CREB1: variants seen among roughly 807,000 people sequenced by gnomAD.
The protein encoded by CREB1 is cyclic AMP-responsive element-binding protein 1.
In CREB1, 2 loss-of-function variants were observed where a neutral mutation model predicts 42.0. That is an observed-to-expected ratio of 0.05 (90% CI 0.02 to 0.15). The LOEUF (loss-of-function observed/expected upper bound fraction) is 0.15. CREB1 is among the 10% of genes least tolerant of loss of function. The probability of loss-of-function intolerance (pLI) is 1.00; values close to 1 mark genes in which losing one functional copy is unlikely to be tolerated. For synonymous variants in CREB1, 123 were observed against 139.9 expected (o/e 0.88, Z 0.85); for missense variants, 199 against 388.9 (o/e 0.51, Z 4.11).
chr2:207,532,466 A>G (rs1259433473), intron 1 of CREB1, among the ~76,000 whole-genome samples: 2 of 152,030 alleles, frequency 1.3e-5, no homozygotes, highest in Admixed American at 6.6e-5. Flanking sequence ...CGAGGTCAAG[A>G]GATCGAGACC....
At chr2:207,543,490 T>G (rs182527106) in intron 1 of CREB1, among the ~76,000 whole-genome samples, 16 of 152,322 alleles carry the variant, frequency 1.1e-4, no homozygotes, top group South Asian at 2.1e-4. Context: ...ATTTAAGTGA[T>G]GTGTGTAGAA....
At chr2:207,551,500 C>T (rs1161584669) in intron 1 of CREB1, among the ~76,000 whole-genome samples, 3 of 151,984 alleles carry the variant, frequency 2.0e-5, no homozygotes, top group Non-Finnish European at 4.4e-5. Flanking sequence ...AATAGTATGA[C>T]TTGTAGTTTT....
intron 6 of CREB1, among the ~76,000 whole-genome samples, chr2:207,575,802 T>A (rs889896045): frequency 1.3e-5 from 2 of 152,088 alleles, no homozygotes; most frequent in South Asian, 2.1e-4. Context: ...TGAGTAAAAG[T>A]CAGCTGCTCT....
chr2:207,581,827 T>A (rs1322390126), intron 7 of CREB1: 1 of 702,112 alleles, frequency 1.4e-6, no homozygotes, highest in Admixed American at 2.0e-5. Context: ...CGCATTTAAT[T>A]ATAGTCTCCT....
At position 207,604,359 on chromosome 2, in the gene CREB1, C is replaced by T. The variant is rs1247009340; in HGVS notation, c.*7301C>T. On this transcript the variant is annotated 3_prime_UTR_variant, in exon 8 of 8. Transcript: ENST00000353267. Reference sequence around the variant, plus strand: ...AACTTAACTTCTCCCCCAAATCTTCCTTCCGCTGGTTTTTCCATCTCGTAA... The same window carrying T: ...AACTTAACTTCTCCCCCAAATCTTCTTTCCGCTGGTTTTTCCATCTCGTAA... Among the ~76,000 whole-genome samples the T allele has an allele frequency of 6.6e-6, 1 of 152,208 alleles. No homozygotes were observed. The highest frequency in any genetic ancestry group is 1.5e-5 in the Non-Finnish European group (1 of 68,034).
At position 207,544,201 on chromosome 2, in the gene CREB1, G is replaced by A. The variant is rs578068283; in HGVS notation, c.-8-11427G>A. Among the ~76,000 whole-genome samples the A allele has an allele frequency of 8.5e-5, 13 of 152,188 alleles. No homozygotes were observed. The East Asian group carries it at 2.1e-3, about 25-fold the overall frequency. On this transcript the variant is annotated intron_variant, in intron 1 of 7. Transcript: ENST00000353267. ...GGATTACAGGCGTGAGCCACTGCCC[G>A]GCCAAAATTTTTCTTTTTAAGCAAT...
At chr2:207,580,644 A>C (rs2082852407) in intron 7 of CREB1, 1 of 220,026 alleles carries the variant, frequency 4.5e-6, no homozygotes. Context: ...ATCACTATCC[A>C]AATTGCCATT....
At position 207,544,833 on chromosome 2, in the gene CREB1, G is replaced by T. The variant is rs1324829133; in HGVS notation, c.-8-10795G>T. Among the ~76,000 whole-genome samples, 3 of 151,950 alleles carry T rather than the reference G, an allele frequency of 2.0e-5. No individual in the cohort carries two copies. In the East Asian group the frequency reaches 5.8e-4, roughly 29 times the overall value. Reference sequence around the variant, plus strand: ...GAGAACATGCGGTATTTGGTTTTCTGTTCCTGTATTAGTTTGCTGAGGATA... The same window carrying T: ...GAGAACATGCGGTATTTGGTTTTCTTTTCCTGTATTAGTTTGCTGAGGATA... On this transcript the variant is annotated intron_variant, in intron 1 of 7. Coordinates refer to ENST00000353267, the MANE Select transcript of CREB1 (RefSeq NM_004379.5).
chr2:207,585,299 GA>G (rs1207993164), intron 7 of CREB1, among the ~76,000 whole-genome samples: 2 of 152,150 alleles, frequency 1.3e-5, no homozygotes, highest in Admixed American at 1.3e-4. Context: ...AGAAATCATA[GA>G]TGCCATGAGA....
At chr2:207,538,614 A>G (rs1308480110) in intron 1 of CREB1, among the ~76,000 whole-genome samples, 2 of 152,138 alleles carry the variant, frequency 1.3e-5, no homozygotes, top group Non-Finnish European at 2.9e-5. Context: ...AGGTCTAAGG[A>G]ATTGATGGTG....
chr2:207,553,553 G>A (rs919600459), intron 1 of CREB1, among the ~76,000 whole-genome samples: 1 of 152,084 alleles, frequency 6.6e-6, no homozygotes, highest in African/African-American at 2.4e-5. Context: ...GAAATACAGG[G>A]TGAATAGGCA....
chr2:207,554,083 T>A (rs1014038164), intron 1 of CREB1, among the ~76,000 whole-genome samples: 3 of 152,258 alleles, frequency 2.0e-5, no homozygotes, highest in African/African-American at 7.2e-5. Flanking sequence ...GCTACATCTC[T>A]GGATATTACT....
chr2:207,538,684 G>A (rs1158546410), intron 1 of CREB1, among the ~76,000 whole-genome samples: 1 of 152,230 alleles, frequency 6.6e-6, no homozygotes, highest in Non-Finnish European at 1.5e-5. Context: ...TAAAAGGGAA[G>A]TTATTAATAA....
At position 207,597,481 on chromosome 2, in the gene CREB1, A is replaced by C. The variant is rs1014218989; in HGVS notation, c.*423A>C. On this transcript the variant is annotated 3_prime_UTR_variant, in exon 8 of 8. Transcript: ENST00000353267. Reference sequence around the variant, plus strand: ...GAAGTAATGTGTGGGCCGCATGCATAAAGTAAGTAAGGTGCAATGAAGAAG... The same window carrying C: ...GAAGTAATGTGTGGGCCGCATGCATCAAGTAAGTAAGGTGCAATGAAGAAG... The C allele has an allele frequency of 4.5e-6, 1 of 224,500 alleles. No individual in the cohort carries two copies. The highest frequency in any genetic ancestry group is 8.9e-6 in the Non-Finnish European group (1 of 112,894). 13.9% of individuals were successfully genotyped at this position (224,500 alleles called of 1,614,324 possible).
intron 1 of CREB1, among the ~76,000 whole-genome samples, chr2:207,538,705 G>A (rs953932380): frequency 3.3e-5 from 5 of 152,198 alleles, no homozygotes; most frequent in African/African-American, 1.2e-4. Context: ...AATAGTTTAG[G>A]AGTAGAGTGG....
intron 7 of CREB1, among the ~76,000 whole-genome samples, chr2:207,583,232 T>A (rs1252487689): frequency 6.6e-6 from 1 of 152,138 alleles, no homozygotes; most frequent in Non-Finnish European, 1.5e-5. Context: ...ATTTTGATAC[T>A]CATGAGAGTT....
At position 207,601,972 on chromosome 2, in the gene CREB1, A is replaced by G. The variant is rs2087135432; in HGVS notation, c.*4914A>G. On this transcript the variant is annotated 3_prime_UTR_variant, in exon 8 of 8. Coordinates refer to ENST00000353267, the MANE Select transcript of CREB1 (RefSeq NM_004379.5). ...CTGGTTTCCTTGACATTCTAGAATC[A>G]ATGGCTAGGAGAGGCATTAATCTTT... 1 of 208,266 alleles carries G rather than the reference A, an allele frequency of 4.8e-6. No individual in the cohort carries two copies. The highest frequency in any genetic ancestry group is 9.8e-6 in the Non-Finnish European group (1 of 102,350). The allele number at this position is 208,266 out of a possible 1,614,324, so 12.9% of individuals were successfully genotyped here.
At chr2:207,566,102 T>G (rs1401108053) in intron 3 of CREB1, among the ~76,000 whole-genome samples, 1 of 152,132 alleles carries the variant, frequency 6.6e-6, no homozygotes, top group African/African-American at 2.4e-5. Context: ...GTACTTAGAC[T>G]TTAAAGTGTT....
At chr2:207,584,206 A>G (rs772113243) in intron 7 of CREB1, among the ~76,000 whole-genome samples, 9 of 152,242 alleles carry the variant, frequency 5.9e-5, no homozygotes, top group Admixed American at 2.6e-4. Flanking sequence ...AACTAACTGT[A>G]TATTTAACTT....
Sources: allele counts gnomAD v4.1 joint callset (sites outside exome capture counted in the v4.1 genomes callset), GRCh38; gene constraint gnomAD v4.1.1; transcripts MANE v1.5; gene names NCBI Gene and HGNC (gene_info 2026-07-23, HGNC 2026-07-21).